The following GNG4 variants were observed in gnomAD, a reference collection of about 807,000 sequenced individuals.
GNG4 encodes guanine nucleotide-binding protein G(I)/G(S)/G(O) subunit gamma-4.
Under a neutral mutation model 5.8 loss-of-function variants are expected in GNG4, and 4 were observed. The observed-to-expected ratio is 0.69, with a 90% CI of 0.34 to 1.57. The LOEUF is 1.57. Ranked by LOEUF, GNG4 falls within the 40% of genes most tolerant of loss-of-function variation. The pLI is 0.06. For missense variants in GNG4, 96 were observed against 95.1 expected (o/e 1.01, Z -0.04); for synonymous variants, 29 against 32.9 (o/e 0.88, Z 0.41).
chr1:235,582,820 T>C (rs7553902), intron 3 of GNG4, among the ~76,000 whole-genome samples: 6,419 of 152,198 alleles, frequency 0.042, 398 homozygotes, highest in African/African-American at 0.14. Context: ...TAACTTTCCG[T>C]GCATATTTTC....
intron 2 of GNG4, among the ~76,000 whole-genome samples, chr1:235,584,661 T>TCGG (rs5781835): frequency 0.41 from 62,152 of 151,774 alleles, 13,584 homozygotes; most frequent in East Asian, 0.79. Context: ...TGCTACCTGT[T>TCGG]TCACAGAAAG....
At chr1:235,616,577 C>T (rs565979545) in intron 1 of GNG4, among the ~76,000 whole-genome samples, 1 of 152,310 alleles carries the variant, frequency 6.6e-6, no homozygotes, top group African/African-American at 2.4e-5. Flanking sequence ...TAGGAAGAAA[C>T]GTCCCTAGTA....
At chr1:235,620,904 A>C (rs957772146) in intron 1 of GNG4, among the ~76,000 whole-genome samples, 1 of 152,094 alleles carries the variant, frequency 6.6e-6, no homozygotes, top group Non-Finnish European at 1.5e-5. Context: ...AAGACTTTTC[A>C]CCCCTGGCAT....
chr1:235,599,290 T>C (rs1352212055), intron 1 of GNG4, among the ~76,000 whole-genome samples: 1 of 150,078 alleles, frequency 6.7e-6, no homozygotes, highest in Non-Finnish European at 1.5e-5. Flanking sequence ...TCTGCGGGTT[T>C]TTTTGTTGTC....
rs7552288 is a variant in GNG4, at chr1:235,603,164, G to A, written c.-122-7653C>T. Among the ~76,000 whole-genome samples the A allele has an allele frequency of 1.3e-3, 195 of 152,078 alleles. 2 individuals are homozygous for A. The highest frequency in any genetic ancestry group is 4.3e-3 in the African/African-American group (178 of 41,480). On this transcript the variant is annotated intron_variant, in intron 1 of 3. Coordinates refer to ENST00000391854, the MANE Select transcript of GNG4 (RefSeq NM_001098722.2). The stretch of plus-strand genomic sequence containing the variant: ...AGGCTAAGGCAGGAGAATCGCATGA[G>A]TCTGGGAGGTGGAGGTTGCAGTGAG...
intron 1 of GNG4, among the ~76,000 whole-genome samples, chr1:235,607,170 C>T (rs1688381529): frequency 6.6e-6 from 1 of 152,028 alleles, no homozygotes; most frequent in African/African-American, 2.4e-5. Flanking sequence ...TGGTCTTGAA[C>T]TCCTGACCTC....
rs191494371 is a variant in GNG4, at chr1:235,618,661, T to G, written c.-122-23150A>C. On this transcript the variant is annotated intron_variant, in intron 1 of 3. Coordinates refer to ENST00000391854, the MANE Select transcript of GNG4 (RefSeq NM_001098722.2). ...ATTGCCTAAATTTTTAATCTTTTTGTTTTTTTTTTTTTGAGACAGAGTCTC... is the reference window on the plus strand; with the variant it reads ...ATTGCCTAAATTTTTAATCTTTTTGGTTTTTTTTTTTTGAGACAGAGTCTC... Among the ~76,000 whole-genome samples, 4 of 131,268 alleles carry G rather than the reference T, an allele frequency of 3.0e-5. No homozygotes were observed. The East Asian group carries it at 6.1e-4, about 20-fold the overall frequency. 86.1% of individuals were successfully genotyped at this position (131,268 alleles called of 152,430 possible).
intron 1 of GNG4, among the ~76,000 whole-genome samples, chr1:235,641,391 A>G (rs1657324194): frequency 6.6e-6 from 1 of 152,022 alleles, no homozygotes; most frequent in Non-Finnish European, 1.5e-5. Context: ...CCCTGCCTCT[A>G]AAACTAAATA....
intron 3 of GNG4, among the ~76,000 whole-genome samples, chr1:235,554,048 G>A (rs893483060): frequency 2.0e-5 from 3 of 152,188 alleles, no homozygotes; most frequent in Non-Finnish European, 4.4e-5. Flanking sequence ...AGGCTCAGGG[G>A]AAAACTGAGC....
chr1:235,612,206 A>G (rs1219406362), intron 1 of GNG4, among the ~76,000 whole-genome samples: 1 of 152,172 alleles, frequency 6.6e-6, no homozygotes, highest in Admixed American at 6.5e-5. Context: ...GATTGACTAG[A>G]CATTCAGACT....
chr1:235,616,005 G>A (rs939322387), intron 1 of GNG4: 26 of 328,434 alleles, frequency 7.9e-5, no homozygotes, highest in Admixed American at 4.7e-4. Context: ...GGCCACTGGC[G>A]CCTCTTTCAC....
chr1:235,616,342 C>T (rs1412539122), intron 1 of GNG4: 4 of 429,044 alleles, frequency 9.3e-6, no homozygotes, highest in Non-Finnish European at 1.8e-5. Context: ...GTCTGTTGGC[C>T]AGATTCACCG....
chr1:235,613,493 G>C (rs184924461), intron 1 of GNG4, among the ~76,000 whole-genome samples: 4 of 152,146 alleles, frequency 2.6e-5, no homozygotes, highest in Admixed American at 1.3e-4. Context: ...CAATCACAAG[G>C]GGCCTTGTAA....
At chr1:235,592,697 C>T (rs552556203) in intron 2 of GNG4, among the ~76,000 whole-genome samples, 7 of 152,268 alleles carry the variant, frequency 4.6e-5, no homozygotes, top group Middle Eastern at 3.4e-3. Flanking sequence ...CCGCCCTTTT[C>T]GGTCAAAACC....
rs1003724975 is a variant in GNG4, at chr1:235,607,105, A to ATTTTTTTTT, written c.-122-11603_-122-11595dup. Among the ~76,000 whole-genome samples the ATTTTTTTTT allele has an allele frequency of 1.4e-4, 21 of 150,898 alleles. No homozygotes were observed. The South Asian group carries it at 3.8e-3, about 27-fold the overall frequency. On this transcript the variant is annotated intron_variant, in intron 1 of 3. Coordinates refer to ENST00000391854, the MANE Select transcript of GNG4 (RefSeq NM_001098722.2). ...AGGTGCGCACCACCACACCCAGCTA[A>ATTTTTTTTT]TTTTTTTTTATTTTTATTTTTAGTA...
In GNG4 at chr1:235,646,675, C is replaced by T. The variant is rs546223517; in HGVS notation, c.-123+2987G>A. The stretch of plus-strand genomic sequence containing the variant: ...AGGGCTCCTTCCCCAGTGAGCACGG[C>T]GTCTTGCACACAGCCGGCTTTCCCT... On this transcript the variant is annotated intron_variant, in intron 1 of 3. Transcript: ENST00000391854. 9.2e-5 allele frequency among the ~76,000 whole-genome samples: 14 copies of T among 152,266 alleles called. 1 individual carries two copies. The South Asian group carries it at 1.9e-3, about 20-fold the overall frequency.
chr1:235,597,588 CTGTGTGTGTGTGTGTGTGTGTGTG>C (rs386417904), intron 1 of GNG4, among the ~76,000 whole-genome samples: 2 of 74,268 alleles, frequency 2.7e-5, no homozygotes, highest in African/African-American at 5.2e-5. Flanking sequence ...AACTTGTTTG[CTGTGTGTGTGTGTGTGTGTGTGTG>C]TGTGTGTGTG....
At chr1:235,639,087 G>A (rs7554426) in intron 1 of GNG4, among the ~76,000 whole-genome samples, 1 of 151,952 alleles carries the variant, frequency 6.6e-6, no homozygotes, top group Non-Finnish European at 1.5e-5. Context: ...TCTCAGATGC[G>A]CCTATCTTCC....
chr1:235,553,595 C>A (rs144643541), intron 3 of GNG4, among the ~76,000 whole-genome samples: 1 of 152,188 alleles, frequency 6.6e-6, no homozygotes, highest in Non-Finnish European at 1.5e-5. Context: ...GATTTTCAGA[C>A]CTAACCGCTT....
Sources: allele counts gnomAD v4.1 joint callset (sites outside exome capture counted in the v4.1 genomes callset), GRCh38; gene constraint gnomAD v4.1.1; transcripts MANE v1.5; gene names NCBI Gene and HGNC (gene_info 2026-07-23, HGNC 2026-07-21).